Variants in PCDHGA1 observed in about 807,000 individuals in gnomAD.
PCDHGA1 encodes the protein protocadherin gamma-A1.
PCDHGA1 carries 32 observed loss-of-function variants against 58.0 expected under a neutral mutation model. That is an observed-to-expected ratio of 0.55 (90% CI 0.42 to 0.74). The LOEUF (loss-of-function observed/expected upper bound fraction) is 0.74, where lower values mean the gene tolerates loss of function less well. PCDHGA1 is among the 30% of genes least tolerant of loss of function. PCDHGA1 has a pLI of 0.00. For missense variants in PCDHGA1, 1,205 were observed against 1,182.3 expected (o/e 1.02, Z -0.28); for synonymous variants, 498 against 501.1 (o/e 0.99, Z 0.08).
intron 1 of PCDHGA1, among the ~76,000 whole-genome samples, chr5:141,466,921 AG>A (rs2099132133): frequency 6.6e-6 from 1 of 152,204 alleles, no homozygotes; most frequent in African/African-American, 2.4e-5. Context: ...TCCTTGTATT[AG>A]GAATATTAGT....
At chr5:141,338,708 C>A (rs1756772637) in intron 1 of PCDHGA1, 4 of 646,204 alleles carry the variant, frequency 6.2e-6, no homozygotes, top group African/African-American at 3.8e-5. Context: ...ATTATTTAGG[C>A]CTCTGAGCGT....
Position 141,387,642 on chromosome 5 carries a change from C to G in PCDHGA1, c.2421+54537C>G, listed in dbSNP as rs554256672. The G allele has an allele frequency of 4.8e-6, 3 of 622,368 alleles. No homozygotes were observed. In the Admixed American group the frequency reaches 1.0e-4, roughly 21 times the overall value. The allele number at this position is 622,368 out of a possible 1,614,324, so 38.6% of individuals were successfully genotyped here. A position where few individuals can be genotyped will look rare whatever the true frequency, so the allele number is the denominator to read the frequency against. On this transcript the variant is annotated intron_variant, in intron 1 of 3. Transcript: ENST00000517417. Reference sequence around the variant, plus strand: ...TGCTGACTCTGGGCGCCGCTGTTGGCCAAAGTGGAGAGCTTGGCGCTCCAG... The same window carrying G: ...TGCTGACTCTGGGCGCCGCTGTTGGGCAAAGTGGAGAGCTTGGCGCTCCAG...
intron 1 of PCDHGA1, chr5:141,383,450 G>A: frequency 6.2e-7 from 1 of 1,613,960 alleles, no homozygotes; most frequent in Non-Finnish European, 8.5e-7. Context: ...GCTGTGCAAA[G>A]TGGAGACGAT....
chr5:141,383,350 C>CG (rs766222030), intron 1 of PCDHGA1: 7 of 1,613,870 alleles, frequency 4.3e-6, no homozygotes, highest in Non-Finnish European at 5.9e-6. Context: ...TCCTGGGGTT[C>CG]GGTTTCCGTT....
intron 1 of PCDHGA1, chr5:141,360,196 C>G (rs770642245): frequency 2.5e-6 from 4 of 1,612,440 alleles, no homozygotes; most frequent in Non-Finnish European, 3.4e-6. Flanking sequence ...GTTGCCCTTC[C>G]TGTTGTCTTT....
rs761478323 is a variant in PCDHGA1 at position 141,330,623 on chromosome 5, C to T, written c.-62C>T. On this transcript the variant is annotated 5_prime_UTR_variant, in exon 1 of 4. Coordinates refer to ENST00000517417, the MANE Select transcript of PCDHGA1 (RefSeq NM_018912.3). ...CCTGAAAATTGGGTTAATTTCAGCT[C>T]AGAAAAGCAGAAACGATACCCTTGG... is the stretch of plus-strand genomic sequence containing the variant. 6.5e-5 allele frequency: 98 copies of T among 1,498,082 alleles called. No homozygotes were observed. Among genetic ancestry groups the T allele is most frequent in the Non-Finnish European group, 8.3e-5 (93 of 1,117,988 alleles). 92.8% of individuals were successfully genotyped at this position (1,498,082 alleles called of 1,614,324 possible). A position where few individuals can be genotyped will look rare whatever the true frequency, so the allele number is the denominator to read the frequency against.
chr5:141,470,658 G>T lies in PCDHGA1; in HGVS notation c.2422-24149G>T, dbSNP rs527415532. Among the ~76,000 whole-genome samples the T allele has an allele frequency of 4.7e-3, 721 of 152,024 alleles. 9 individuals carry two copies. The highest frequency in any genetic ancestry group is 6.7e-3 in the Non-Finnish European group (452 of 67,944). On this transcript the variant is annotated intron_variant, in intron 1 of 3. Transcript: ENST00000517417. ...CTTGCTTTGAAGGCCCCTACCCTTT[G>T]GTTAGGGCTCTGCTGTTACCATCTT... is the stretch of plus-strand genomic sequence containing the variant.
At chr5:141,478,051 G>A (rs751371411) in intron 1 of PCDHGA1, 2 of 1,614,088 alleles carry the variant, frequency 1.2e-6, no homozygotes, top group East Asian at 2.2e-5. Context: ...AGACTCTCAC[G>A]GTCTTGATCA....
At chr5:141,423,303 G>C (rs779246046) in intron 1 of PCDHGA1, 2 of 1,614,172 alleles carry the variant, frequency 1.2e-6, no homozygotes, top group Non-Finnish European at 1.7e-6. Flanking sequence ...ACCTCTCGCT[G>C]TACTTGGTGG....
intron 1 of PCDHGA1, chr5:141,410,181 T>C: frequency 6.2e-7 from 1 of 1,613,814 alleles, no homozygotes; most frequent in South Asian, 1.1e-5. Context: ...ACCGCCACGC[T>C]TCATCTGGTC....
chr5:141,419,737 G>C lies in PCDHGA1; in HGVS notation c.2422-75070G>C, dbSNP rs201663350. The C allele has an allele frequency of 1.9e-6, 3 of 1,613,718 alleles. No homozygotes were observed. In the African/African-American group the frequency reaches 4.0e-5, roughly 22 times the overall value. Reference sequence around the variant, plus strand: ...GCCTGGGGCTGCGAACAGGCGAGGTGCGCATGGTGCGTGCTTTGGGTGACA... The same window carrying C: ...GCCTGGGGCTGCGAACAGGCGAGGTCCGCATGGTGCGTGCTTTGGGTGACA... On this transcript the variant is annotated intron_variant, in intron 1 of 3. Transcript: ENST00000517417.
At chr5:141,423,529 C>T in intron 1 of PCDHGA1, 1 of 1,613,754 alleles carries the variant, frequency 6.2e-7, no homozygotes, top group South Asian at 1.1e-5. Flanking sequence ...GCAGAAGAGT[C>T]ACCTGATTTT....
chr5:141,472,998 G>GAA (rs2099311030), intron 1 of PCDHGA1, among the ~76,000 whole-genome samples: 1 of 134,744 alleles, frequency 7.4e-6, no homozygotes, highest in Non-Finnish European at 1.6e-5. Flanking sequence ...AAAAAAAAAA[G>GAA]AAAGAAAAAG....
rs1390739125 is a variant in PCDHGA1 at position 141,490,094 on chromosome 5, C to T, written c.2422-4713C>T. ...CTAGACTATTCTTTTGGAGACCACA[C>T]ATCTGAGGCAGTGCGGAACCTCTTT... On this transcript the variant is annotated intron_variant, in intron 1 of 3. Coordinates refer to ENST00000517417, the MANE Select transcript of PCDHGA1 (RefSeq NM_018912.3). This position sits in a 1 kb window ranked among gnomAD's most constrained non-coding sequence, Gnocchi z 5.4. 1 of 1,614,250 alleles carries T rather than the reference C, an allele frequency of 6.2e-7. No individual in the cohort carries two copies. The highest frequency in any genetic ancestry group is 2.2e-5 in the East Asian group (1 of 44,888).
intron 1 of PCDHGA1, chr5:141,339,272 C>A (rs770627865): frequency 1.1e-5 from 17 of 1,614,108 alleles, no homozygotes; most frequent in African/African-American, 2.7e-5. Flanking sequence ...TCAGAGCGCA[C>A]CCTGTCTGTT....
chr5:141,351,703 C>T (rs761376222), intron 1 of PCDHGA1: 12 of 1,613,832 alleles, frequency 7.4e-6, no homozygotes, highest in Middle Eastern at 1.6e-4. Flanking sequence ...GACCCAACGG[C>T]AGAGTCTCCT....
At chr5:141,447,950 G>T (rs1195519095) in intron 1 of PCDHGA1, among the ~76,000 whole-genome samples, 1 of 152,052 alleles carries the variant, frequency 6.6e-6, no homozygotes, top group Non-Finnish European at 1.5e-5. Flanking sequence ...GCTGGGCATG[G>T]TGGCGGACAC....
chr5:141,421,380 G>A, intron 1 of PCDHGA1: 1 of 1,614,064 alleles, frequency 6.2e-7, no homozygotes, highest in Non-Finnish European at 8.5e-7. Context: ...ATATCTCCAA[G>A]GACCTGGGGC....
At position 141,425,713 on chromosome 5, in the gene PCDHGA1, C is replaced by T. The variant is rs191037499; in HGVS notation, c.2422-69094C>T. 3.9e-4 allele frequency among the ~76,000 whole-genome samples: 60 copies of T among 152,312 alleles called. No homozygotes were observed. In the East Asian group the frequency reaches 6.7e-3, roughly 17 times the overall value. On this transcript the variant is annotated intron_variant, in intron 1 of 3. Transcript: ENST00000517417. ...CATTTCATAGTGGTCAAAATTTTCC[C>T]ATACCACTTGATGGGGATGTTTTCC...
Sources: gnomAD v4.1 joint callset for allele counts (sites outside exome capture counted in the v4.1 genomes callset) on GRCh38, gnomAD v4.1.1 for gene constraint, Gnocchi (gnomAD v3.1) non-coding constraint, MANE v1.5 for transcripts, NCBI Gene and HGNC (gene_info 2026-07-23, HGNC 2026-07-21) for gene names.